Variants in MTSS1 observed in about 807,000 individuals in gnomAD.
The protein encoded by MTSS1 is MTSS I-BAR domain containing 1.
In MTSS1, 18 loss-of-function variants were observed where a neutral mutation model predicts 79.0. The observed-to-expected ratio is 0.23, with a 90% CI of 0.16 to 0.34. MTSS1 has a LOEUF of 0.34. MTSS1 is among the 10% of genes least tolerant of loss of function. MTSS1 has a pLI of 1.00. For synonymous variants in MTSS1, 341 were observed against 368.6 expected, an observed-to-expected ratio of 0.93 and a Z score of 0.86; for missense variants, 815 against 986.2, an observed-to-expected ratio of 0.83 and a Z score of 2.33.
Position 124,727,935 on chromosome 8 carries a change from C to T in MTSS1, c.21G>A (p.Lys7=). The change falls in exon 1 of 14, where the codon AAG becomes AAA. Residue 7 remains lysine, a synonymous_variant. Transcript: ENST00000518547. The surrounding 1 kb of genome is among the most constrained non-coding windows in gnomAD (Gnocchi z 4.7). ...AGAGGCCTCCGAGCGCGCTGCATTC[C>T]TTCTCAATCACAGCCTCCATTTTCC... MEAVIE[K]ECSALGGLFQ... 3 of 1,610,146 alleles carry T rather than the reference C, an allele frequency of 1.9e-6. No homozygotes were observed. The highest frequency in any genetic ancestry group is 2.3e-5 in the East Asian group (1 of 44,144).
At chr8:124,650,116 C>A (rs536866274) in intron 3 of MTSS1, among the ~76,000 whole-genome samples, 1 of 151,856 alleles carries the variant, frequency 6.6e-6, no homozygotes, top group Non-Finnish European at 1.5e-5. Context: ...CTGCAACCTC[C>A]GCCTCCCAGA....
chr8:124,718,908 C>T (rs1360762766), intron 1 of MTSS1, among the ~76,000 whole-genome samples: 2 of 152,186 alleles, frequency 1.3e-5, no homozygotes, highest in East Asian at 3.8e-4. Flanking sequence ...GTGGCCAGGG[C>T]ATATTCCTCT....
chr8:124,604,806 C>T (rs150427272), intron 3 of MTSS1, among the ~76,000 whole-genome samples: 171 of 151,908 alleles, frequency 1.1e-3, no homozygotes, highest in African/African-American at 4.0e-3. Context: ...TCCAGCCAAT[C>T]TCCCACTTCT....
intron 3 of MTSS1, among the ~76,000 whole-genome samples, chr8:124,655,691 A>G (rs1820811093): frequency 6.6e-6 from 1 of 152,226 alleles, no homozygotes; most frequent in South Asian, 2.1e-4. Flanking sequence ...ACAGTGGCAC[A>G]TATAAAGCAC....
At chr8:124,691,602 G>A (rs907124245) in intron 3 of MTSS1, among the ~76,000 whole-genome samples, 2 of 151,314 alleles carry the variant, frequency 1.3e-5, no homozygotes, top group East Asian at 2.0e-4. Context: ...TGCAACCTCC[G>A]CCTCCCAGGT....
At position 124,659,417 on chromosome 8, in the gene MTSS1, C is replaced by A. The variant is rs113547898; in HGVS notation, c.208+40109G>T. Among the ~76,000 whole-genome samples, 429 of 152,178 alleles carry A rather than the reference C, an allele frequency of 2.8e-3. 3 individuals are homozygous for A. Among genetic ancestry groups the A allele is most frequent in the Non-Finnish European group, 4.7e-3 (321 of 68,012 alleles). ...ATGTGTATATAGGGTATGCCTTTAG[C>A]TGATAATATTTAGGAAGGTCGCCCT... On this transcript the variant is annotated intron_variant, in intron 3 of 13. Transcript: ENST00000518547.
At chr8:124,718,906 G>A (rs924591507) in intron 1 of MTSS1, among the ~76,000 whole-genome samples, 4 of 152,136 alleles carry the variant, frequency 2.6e-5, no homozygotes, top group African/African-American at 9.7e-5. Context: ...CCGTGGCCAG[G>A]GCATATTCCT....
chr8:124,556,914 G>A (rs991995391), intron 11 of MTSS1, among the ~76,000 whole-genome samples: 9 of 152,326 alleles, frequency 5.9e-5, no homozygotes, highest in South Asian at 2.1e-4. Context: ...AAAGGAAGGC[G>A]CCCAGGGGCA....
In MTSS1 at chr8:124,727,876, C is replaced by T; in HGVS notation, c.72+8G>A. ...GCCGGCGCCGCAGCCGCACCCCCGG[C>T]GTCCTACCTTCATGTCGCTGATGAT... On this transcript the variant is annotated splice_region_variant and intron_variant, in intron 1 of 13. Transcript: ENST00000518547. This position sits in a 1 kb window ranked among gnomAD's most constrained non-coding sequence, Gnocchi z 4.7. The T allele has an allele frequency of 6.3e-7, 1 of 1,586,214 alleles. No individual in the cohort carries two copies. The highest frequency in any genetic ancestry group is 1.1e-5 in the South Asian group (1 of 87,574).
rs1191412567 is a variant in MTSS1 at position 124,688,371 on chromosome 8, CAT to C, written c.208+11153_208+11154del. 2.0e-5 allele frequency among the ~76,000 whole-genome samples: 3 copies of C among 150,432 alleles called. 1 individual carries two copies. Among genetic ancestry groups the C allele is most frequent in the African/African-American group, 7.4e-5 (3 of 40,808 alleles). On this transcript the variant is annotated intron_variant, in intron 3 of 13. Coordinates refer to ENST00000518547, the MANE Select transcript of MTSS1 (RefSeq NM_014751.6). ...GTTGTGTGTGTGTTGTACGTGTGTA[CAT>C]GTGTATGTTGTGTGTATGTGTATAT...
At chr8:124,710,718 G>C (rs142347364) in intron 1 of MTSS1, among the ~76,000 whole-genome samples, 15 of 152,174 alleles carry the variant, frequency 9.9e-5, no homozygotes, top group African/African-American at 2.4e-5. Context: ...GCTGGTGACC[G>C]GTGCTCCATA....
At chr8:124,715,592 C>G (rs956559568) in intron 1 of MTSS1, among the ~76,000 whole-genome samples, 2 of 152,198 alleles carry the variant, frequency 1.3e-5, no homozygotes, top group Non-Finnish European at 2.9e-5. Flanking sequence ...TCAACTCCCA[C>G]CCCAGGCTGC....
intron 3 of MTSS1, among the ~76,000 whole-genome samples, chr8:124,614,553 A>G (rs1188345125): frequency 1.3e-5 from 2 of 152,266 alleles, no homozygotes; most frequent in East Asian, 1.9e-4. Flanking sequence ...CGCAGGATCC[A>G]GAAGACTATG....
intron 3 of MTSS1, among the ~76,000 whole-genome samples, chr8:124,665,433 GTCTTCATCCCAAT>G (rs1347423588): frequency 6.6e-6 from 1 of 152,136 alleles, no homozygotes; most frequent in Non-Finnish European, 1.5e-5. Context: ...TGGTTACTTT[GTCTTCATCCCAAT>G]TCTTCATACT....
At chr8:124,632,559 A>G (rs1816196714) in intron 3 of MTSS1, among the ~76,000 whole-genome samples, 1 of 152,224 alleles carries the variant, frequency 6.6e-6, no homozygotes, top group Admixed American at 6.5e-5. Flanking sequence ...TTCTCCAGCC[A>G]AAGGGTTGTT....
intron 6 of MTSS1, chr8:124,579,638 T>A (rs1586958547): frequency 1.3e-5 from 2 of 152,176 alleles, no homozygotes; most frequent in African/African-American, 4.8e-5. Context: ...GAAAGGATGA[T>A]CCTTTTTAAA....
intron 3 of MTSS1, among the ~76,000 whole-genome samples, chr8:124,613,848 T>C (rs1836327024): frequency 1.3e-5 from 2 of 152,166 alleles, no homozygotes; most frequent in Non-Finnish European, 2.9e-5. Context: ...CTACATTAAT[T>C]TGTTCTCAGC....
chr8:124,661,584 C>T (rs1469521366), intron 3 of MTSS1, among the ~76,000 whole-genome samples: 3 of 152,182 alleles, frequency 2.0e-5, no homozygotes, highest in African/African-American at 4.8e-5. Context: ...GTCCTAGCCA[C>T]GCCAAAGGTG....
chr8:124,656,382 A>T (rs1789634531), intron 3 of MTSS1, among the ~76,000 whole-genome samples: 1 of 152,240 alleles, frequency 6.6e-6, no homozygotes, highest in Non-Finnish European at 1.5e-5. Context: ...GAGGAAAACA[A>T]GCACACAAAA....
Sources: allele counts gnomAD v4.1 joint callset (sites outside exome capture counted in the v4.1 genomes callset), GRCh38; gene constraint gnomAD v4.1.1; non-coding constraint Gnocchi (gnomAD v3.1); transcripts MANE v1.5; gene names NCBI Gene and HGNC (gene_info 2026-07-23, HGNC 2026-07-21).